CWC27: variants seen among roughly 807,000 people sequenced by gnomAD.
CWC27 encodes the protein spliceosome-associated protein CWC27 homolog.
Under a neutral mutation model 63.6 loss-of-function variants are expected in CWC27, and 47 were observed. The ratio of observed to expected loss-of-function variants is 0.74; its 90% CI spans 0.58 to 0.94. The LOEUF (loss-of-function observed/expected upper bound fraction) is 0.94, where lower values mean the gene tolerates loss of function less well. CWC27 is among the 40% of genes least tolerant of loss of function. The probability of loss-of-function intolerance (pLI) is 0.00; values close to 1 mark genes in which losing one functional copy is unlikely to be tolerated. For synonymous variants in CWC27, 175 were observed against 179.8 expected (o/e 0.97, Z 0.22); for missense variants, 495 against 554.3 (o/e 0.89, Z 1.07).
intron 11 of CWC27, among the ~76,000 whole-genome samples, chr5:64,928,615 C>T (rs1461176264): frequency 1.3e-5 from 2 of 151,844 alleles, no homozygotes; most frequent in African/African-American, 2.4e-5. Flanking sequence ...TGCAGAAAAA[C>T]CATGGGAATG....
chr5:64,925,121 T>A (rs1000244565), intron 11 of CWC27, among the ~76,000 whole-genome samples: 9 of 152,198 alleles, frequency 5.9e-5, no homozygotes, highest in Non-Finnish European at 1.3e-4. Flanking sequence ...TAACCTTTAG[T>A]TTCTTTATTT....
Position 64,785,702 on chromosome 5 carries a change from A to G in CWC27, c.495+123A>G, listed in dbSNP as rs370850983. ...ATGTTAACATCACAACTCAAATTTT[A>G]TCTCTAATTTATTTGGGCACCGTTT... On this transcript the variant is annotated intron_variant, in intron 5 of 13. Coordinates refer to ENST00000381070, the MANE Select transcript of CWC27 (RefSeq NM_005869.4). 8 of 538,030 alleles carry G rather than the reference A, an allele frequency of 1.5e-5. No individual in the cohort carries two copies. In the South Asian group the frequency reaches 2.0e-4, roughly 13 times the overall value. 33.3% of individuals were successfully genotyped at this position (538,030 alleles called of 1,614,324 possible).
At chr5:64,797,027 G>A (rs1313699542) in intron 7 of CWC27, among the ~76,000 whole-genome samples, 1 of 127,610 alleles carries the variant, frequency 7.8e-6, no homozygotes, top group Non-Finnish European at 1.6e-5. Context: ...CTGCCTCTTT[G>A]TTCTTGGATA....
intron 11 of CWC27, among the ~76,000 whole-genome samples, chr5:64,906,213 T>C (rs960308435): frequency 3.3e-5 from 5 of 152,176 alleles, no homozygotes; most frequent in Non-Finnish European, 7.3e-5. Context: ...AATCAGTGGG[T>C]CAAATGGTAT....
intron 13 of CWC27, among the ~76,000 whole-genome samples, chr5:64,981,355 CT>C (rs1403150893): frequency 9.2e-5 from 14 of 152,066 alleles, no homozygotes; most frequent in African/African-American, 3.4e-4. Flanking sequence ...TTATAACTTG[CT>C]TTTTTTCTCA....
chr5:64,876,026 G>A (rs553008842), intron 10 of CWC27, among the ~76,000 whole-genome samples: 2 of 152,186 alleles, frequency 1.3e-5, no homozygotes, highest in South Asian at 2.1e-4. Flanking sequence ...GGTTAACTTA[G>A]TTGTCCAATG....
At chr5:64,994,223 A>G (rs1490013540) in intron 13 of CWC27, among the ~76,000 whole-genome samples, 1 of 152,208 alleles carries the variant, frequency 6.6e-6, no homozygotes, top group Non-Finnish European at 1.5e-5. Context: ...TCCCAAGAAC[A>G]GAATCATGCC....
chr5:64,857,265 G>C (rs1178907619), intron 10 of CWC27, among the ~76,000 whole-genome samples: 1 of 152,136 alleles, frequency 6.6e-6, no homozygotes, highest in East Asian at 1.9e-4. Flanking sequence ...TTCTATCACT[G>C]TCTAAAAGAA....
At chr5:64,941,175 T>C (rs1337482027) in intron 11 of CWC27, among the ~76,000 whole-genome samples, 2 of 152,190 alleles carry the variant, frequency 1.3e-5, no homozygotes, top group Non-Finnish European at 1.5e-5. Flanking sequence ...ATATTATAGT[T>C]TATTTCCCAA....
chr5:64,915,192 T>C (rs1747866895), intron 11 of CWC27, among the ~76,000 whole-genome samples: 1 of 152,188 alleles, frequency 6.6e-6, no homozygotes. Context: ...TCCTTGTTTG[T>C]TCAAGAACTC....
intron 13 of CWC27, among the ~76,000 whole-genome samples, chr5:64,989,120 C>T (rs1489115590): frequency 6.6e-6 from 1 of 152,162 alleles, no homozygotes; most frequent in African/African-American, 2.4e-5. Context: ...TCATTCAGAG[C>T]CATGCTGGGA....
intron 13 of CWC27, among the ~76,000 whole-genome samples, chr5:64,998,326 T>C (rs1187959583): frequency 6.6e-6 from 1 of 152,134 alleles, no homozygotes; most frequent in East Asian, 1.9e-4. Flanking sequence ...GGTTAAATGT[T>C]ATTGGCTGAG....
At chr5:64,782,083 T>G in intron 3 of CWC27, 50 bp downstream of exon 3, 1 of 1,012,948 alleles carries the variant, frequency 9.9e-7, no homozygotes, top group Non-Finnish European at 1.4e-6. Context: ...TATTATTATT[T>G]CCAAGTCAGT....
intron 13 of CWC27, among the ~76,000 whole-genome samples, chr5:65,003,060 T>G (rs1749763841): frequency 6.6e-6 from 1 of 152,236 alleles, no homozygotes; most frequent in Non-Finnish European, 1.5e-5. Context: ...TCTCTTACAA[T>G]TTTTGACTTG....
At chr5:64,836,386 T>C (rs1033821680) in intron 10 of CWC27, among the ~76,000 whole-genome samples, 2 of 151,950 alleles carry the variant, frequency 1.3e-5, no homozygotes, top group Admixed American at 1.3e-4. Flanking sequence ...ATGTGGTATG[T>C]TCTATTTTTA....
At chr5:64,977,690 C>G (rs1457658340) in intron 13 of CWC27, among the ~76,000 whole-genome samples, 1 of 152,086 alleles carries the variant, frequency 6.6e-6, no homozygotes, top group Non-Finnish European at 1.5e-5. Context: ...CTACAGGATC[C>G]TAGCAACTCA....
At chr5:64,942,401 A>C (rs1748499857) in intron 11 of CWC27, among the ~76,000 whole-genome samples, 2 of 148,980 alleles carry the variant, frequency 1.3e-5, no homozygotes, top group South Asian at 4.3e-4. Flanking sequence ...ATGCCACTGC[A>C]CTCAAGCGTG....
intron 11 of CWC27, among the ~76,000 whole-genome samples, chr5:64,927,833 C>G (rs1748149180): frequency 6.6e-6 from 1 of 152,184 alleles, no homozygotes; most frequent in Non-Finnish European, 1.5e-5. Context: ...TTATTAACTT[C>G]TCAACCTTAA....
intron 7 of CWC27, among the ~76,000 whole-genome samples, chr5:64,789,538 T>A (rs1229226541): frequency 6.6e-6 from 1 of 152,120 alleles, no homozygotes; most frequent in Non-Finnish European, 1.5e-5. Flanking sequence ...TAGCTACAGA[T>A]GGGAACTGAA....
Sources: gnomAD v4.1 joint callset for allele counts (sites outside exome capture counted in the v4.1 genomes callset) on GRCh38, gnomAD v4.1.1 for gene constraint, MANE v1.5 for transcripts, NCBI Gene and HGNC (gene_info 2026-07-23, HGNC 2026-07-21) for gene names.